ARHGAP15: variants seen among roughly 807,000 people sequenced by gnomAD.
ARHGAP15 encodes the protein rho GTPase-activating protein 15.
In ARHGAP15, 51 loss-of-function variants were observed where a neutral mutation model predicts 63.7. The ratio of observed to expected loss-of-function variants is 0.80; its 90% CI spans 0.64 to 1.01. The LOEUF is 1.01. ARHGAP15 is among the 50% of genes least tolerant of loss of function. The probability of loss-of-function intolerance (pLI) is 0.00; values close to 1 mark genes in which losing one functional copy is unlikely to be tolerated. For missense variants in ARHGAP15, 560 were observed against 564.6 expected (o/e 0.99, Z 0.08); for synonymous variants, 191 against 193.8 (o/e 0.99, Z 0.12).
chr2:143,262,844 C>G (rs1680797768), intron 6 of ARHGAP15, among the ~76,000 whole-genome samples: 1 of 152,116 alleles, frequency 6.6e-6, no homozygotes, highest in African/African-American at 2.4e-5. Flanking sequence ...AGAAGCAGAA[C>G]TCTCCCGTAT....
At chr2:143,667,591 A>T (rs138141174) in intron 12 of ARHGAP15, among the ~76,000 whole-genome samples, 10,416 of 147,834 alleles carry the variant, frequency 0.07, 642 homozygotes, top group East Asian at 0.3. Context: ...TTAAAAAAAA[A>T]AAAAAAAAAA....
intron 9 of ARHGAP15, among the ~76,000 whole-genome samples, chr2:143,488,115 T>C (rs1025474081): frequency 4.6e-5 from 7 of 152,208 alleles, no homozygotes; most frequent in African/African-American, 1.7e-4. Flanking sequence ...GTCTCTGGCA[T>C]TAGACTAATT....
Position 143,744,410 on chromosome 2 carries a change from A to G in ARHGAP15, c.1245-23579A>G, listed in dbSNP as rs527245238. 4.6e-5 allele frequency among the ~76,000 whole-genome samples: 7 copies of G among 151,450 alleles called. No individual in the cohort carries two copies. The South Asian group carries it at 6.2e-4, about 13-fold the overall frequency. ...CACTTCATCCATAAAGAAAAGCACCATAAGTAATAATGAGTGCGAGTTTGT... is the reference window on the plus strand; with the variant it reads ...CACTTCATCCATAAAGAAAAGCACCGTAAGTAATAATGAGTGCGAGTTTGT... On this transcript the variant is annotated intron_variant, in intron 13 of 13. Coordinates refer to ENST00000295095, the MANE Select transcript of ARHGAP15 (RefSeq NM_018460.4).
intron 11 of ARHGAP15, among the ~76,000 whole-genome samples, chr2:143,611,170 TGTTA>T (rs373205616): frequency 4.5e-4 from 68 of 152,308 alleles, no homozygotes; most frequent in African/African-American, 1.5e-3. Flanking sequence ...TCATGTTGTT[TGTTA>T]GTTTTTTTAA....
At chr2:143,659,101 C>T (rs1681608789) in intron 12 of ARHGAP15, among the ~76,000 whole-genome samples, 1 of 152,224 alleles carries the variant, frequency 6.6e-6, no homozygotes, top group African/African-American at 2.4e-5. Flanking sequence ...AAACCACTCA[C>T]TGCTCATGCA....
intron 6 of ARHGAP15, among the ~76,000 whole-genome samples, chr2:143,432,287 T>G (rs1171012467): frequency 6.6e-6 from 1 of 152,008 alleles, no homozygotes; most frequent in African/African-American, 2.4e-5. Context: ...CTCATTTAAA[T>G]TAAAAAATCT....
intron 6 of ARHGAP15, among the ~76,000 whole-genome samples, chr2:143,251,724 AAAGG>A (rs1371945567): frequency 2.0e-5 from 3 of 152,184 alleles, no homozygotes; most frequent in Non-Finnish European, 2.9e-5. Flanking sequence ...TAAAATTTAA[AAAGG>A]AAGGAAGGAA....
At chr2:143,437,102 A>T (rs1313282517) in intron 8 of ARHGAP15, 60 bp downstream of exon 8, 2 of 1,519,924 alleles carry the variant, frequency 1.3e-6, no homozygotes, top group Non-Finnish European at 8.9e-7. Context: ...CTTATGAAAT[A>T]TAAATGCATT....
intron 2 of ARHGAP15, among the ~76,000 whole-genome samples, chr2:143,176,168 A>G (rs1204605674): frequency 6.6e-6 from 1 of 152,156 alleles, no homozygotes; most frequent in East Asian, 1.9e-4. Context: ...ATACTTCAGG[A>G]GGCTTTTGTC....
chr2:143,332,879 G>C (rs1333106947), intron 6 of ARHGAP15, among the ~76,000 whole-genome samples: 1 of 148,534 alleles, frequency 6.7e-6, no homozygotes, highest in Admixed American at 6.9e-5. Context: ...ACTAATTTTT[G>C]TTTCAACTGC....
chr2:143,632,121 C>A (rs1680068560), intron 12 of ARHGAP15, among the ~76,000 whole-genome samples: 1 of 151,944 alleles, frequency 6.6e-6, no homozygotes, highest in African/African-American at 2.4e-5. Flanking sequence ...TGTGAGCTGG[C>A]AGTTGTTGAT....
chr2:143,363,574 T>A (rs1439540936), intron 6 of ARHGAP15, among the ~76,000 whole-genome samples: 1 of 152,298 alleles, frequency 6.6e-6, no homozygotes, highest in East Asian at 1.9e-4. Flanking sequence ...GTCATTCAAA[T>A]TTTACCTGCT....
At chr2:143,575,675 G>A (rs1007837988) in intron 11 of ARHGAP15, among the ~76,000 whole-genome samples, 4 of 152,146 alleles carry the variant, frequency 2.6e-5, no homozygotes, top group East Asian at 1.9e-4. Flanking sequence ...TCTTCTTAGC[G>A]ACACATTTTG....
At chr2:143,182,636 G>A (rs1691285189) in intron 2 of ARHGAP15, among the ~76,000 whole-genome samples, 2 of 152,114 alleles carry the variant, frequency 1.3e-5, no homozygotes. Context: ...GTTTCTAGAA[G>A]GTTGAGAATT....
At chr2:143,640,033 TTTC>T (rs533295524) in intron 12 of ARHGAP15, among the ~76,000 whole-genome samples, 164 of 152,254 alleles carry the variant, frequency 1.1e-3, no homozygotes, top group African/African-American at 3.6e-3. Context: ...AATTGTAAAT[TTTC>T]TCTACTGAGT....
At chr2:143,552,963 A>G (rs1695636416) in intron 10 of ARHGAP15, among the ~76,000 whole-genome samples, 1 of 152,190 alleles carries the variant, frequency 6.6e-6, no homozygotes, top group Non-Finnish European at 1.5e-5. Flanking sequence ...TATTTCCAAA[A>G]TAAGTAGTTT....
At chr2:143,630,529 C>G (rs1699022427) in intron 12 of ARHGAP15, among the ~76,000 whole-genome samples, 2 of 152,026 alleles carry the variant, frequency 1.3e-5, no homozygotes, top group Admixed American at 1.3e-4. Flanking sequence ...ATTTTTATCT[C>G]TTCTGGTTAC....
At chr2:143,705,004 ATG>A (rs1459839186) in intron 13 of ARHGAP15, among the ~76,000 whole-genome samples, 1 of 152,186 alleles carries the variant, frequency 6.6e-6, no homozygotes, top group African/African-American at 2.4e-5. Context: ...ATGCAAACAT[ATG>A]TGTGTATGGT....
At chr2:143,405,340 ATTT>A (rs1394091182) in intron 6 of ARHGAP15, among the ~76,000 whole-genome samples, 1 of 150,230 alleles carries the variant, frequency 6.7e-6, no homozygotes, top group Non-Finnish European at 1.5e-5. Flanking sequence ...TTTGCTTATC[ATTT>A]TGTGTTTTTT....
Sources: allele counts gnomAD v4.1 joint callset (sites outside exome capture counted in the v4.1 genomes callset), GRCh38; gene constraint gnomAD v4.1.1; transcripts MANE v1.5; gene names NCBI Gene and HGNC (gene_info 2026-07-23, HGNC 2026-07-21).